Variants in CLTB observed in about 807,000 individuals in gnomAD.
CLTB encodes clathrin, light chain (Lcb).
A neutral mutation model predicts 30.5 loss-of-function variants in CLTB; 10 were observed. The ratio of observed to expected loss-of-function variants is 0.33; its 90% CI spans 0.20 to 0.56. The LOEUF (loss-of-function observed/expected upper bound fraction) is 0.56, where lower values mean the gene tolerates loss of function less well. CLTB is among the 20% of genes least tolerant of loss of function. The probability of loss-of-function intolerance (pLI) is 0.91; values close to 1 mark genes in which losing one functional copy is unlikely to be tolerated. For missense variants in CLTB, 261 were observed against 308.3 expected (o/e 0.85, Z 1.15); for synonymous variants, 102 against 120.3 (o/e 0.85, Z 1.00).
chr5:176,412,047 G>A (rs1757460885), intron 1 of CLTB, among the ~76,000 whole-genome samples: 1 of 151,960 alleles, frequency 6.6e-6, no homozygotes, highest in Non-Finnish European at 1.5e-5. Context: ...GTGGTGGCAG[G>A]CGCCTGTAGT....
At chr5:176,413,527 C>G (rs1055449519) in intron 1 of CLTB, among the ~76,000 whole-genome samples, 3 of 152,260 alleles carry the variant, frequency 2.0e-5, no homozygotes, top group Admixed American at 2.0e-4. Context: ...CCAGATACCT[C>G]TTTCCCCAGG....
intron 5 of CLTB, among the ~76,000 whole-genome samples, chr5:176,394,158 G>A (rs1361872669): frequency 3.9e-5 from 6 of 152,340 alleles, no homozygotes; most frequent in Admixed American, 6.5e-5. Context: ...AAAGTGCTGC[G>A]TGGAGCTGGG....
chr5:176,410,255 A>C lies in CLTB; in HGVS notation c.234+2T>G. ...CCACTGCTGAGACAGAGCCTTGCTTACCTGAAACACATCTCCATTGACTGT... is the reference window on the plus strand; with the variant it reads ...CCACTGCTGAGACAGAGCCTTGCTTCCCTGAAACACATCTCCATTGACTGT... On this transcript the variant is annotated splice_donor_variant, in intron 2 of 5. Transcript: ENST00000310418. LOFTEE classifies it high-confidence loss of function. The C allele has an allele frequency of 6.2e-7, 1 of 1,613,860 alleles. No individual in the cohort carries two copies. The highest frequency in any genetic ancestry group is 8.5e-7 in the Non-Finnish European group (1 of 1,179,816).
intron 2 of CLTB, among the ~76,000 whole-genome samples, chr5:176,402,854 C>G (rs1206325850): frequency 6.6e-6 from 1 of 152,000 alleles, no homozygotes; most frequent in Admixed American, 6.6e-5. Flanking sequence ...GGACAGAGTA[C>G]AGTAGGAGAG....
chr5:176,396,217 C>T (rs1756514734), intron 5 of CLTB, among the ~76,000 whole-genome samples: 1 of 151,992 alleles, frequency 6.6e-6, no homozygotes, highest in South Asian at 2.1e-4. Flanking sequence ...GCCATTTGCC[C>T]CTCCCACATG....
At chr5:176,399,982 A>C (rs1393203114) in intron 2 of CLTB, among the ~76,000 whole-genome samples, 1 of 152,140 alleles carries the variant, frequency 6.6e-6, no homozygotes, top group Non-Finnish European at 1.5e-5. Context: ...ACATGAGGTC[A>C]GGAGTTCGAG....
chr5:176,416,293 G>T lies in CLTB; in HGVS notation c.71C>A (p.Ala24Glu), dbSNP rs1222040757. Reference sequence around the variant, plus strand: ...CTCCTGCTGGGCCAGGAAGGCGGCCGCCGGGTCCTCCTCCGCCGCCTCCGG... The same window carrying T: ...CTCCTGCTGGGCCAGGAAGGCGGCCTCCGGGTCCTCCTCCGCCGCCTCCGG... ...GAPEAAEEDP[A>E]AAFLAQQESE... is the part of the protein sequence containing the mutation. Residue 24 changes from alanine (A) to glutamate (E), a missense_variant, in exon 1 of 6, where the codon GCG becomes GAG. Transcript: ENST00000310418. 1 of 1,605,690 alleles carries T rather than the reference G, an allele frequency of 6.2e-7. No individual in the cohort carries two copies. Among genetic ancestry groups the T allele is most frequent in the Non-Finnish European group, 8.5e-7 (1 of 1,177,350 alleles).
chr5:176,415,278 C>T (rs1390357176), intron 1 of CLTB, among the ~76,000 whole-genome samples: 5 of 152,202 alleles, frequency 3.3e-5, no homozygotes, highest in African/African-American at 7.2e-5. Flanking sequence ...AGGGCCCTAC[C>T]GCATCTGACT....
intron 2 of CLTB, among the ~76,000 whole-genome samples, chr5:176,405,286 C>T (rs1400914169): frequency 1.3e-5 from 2 of 151,820 alleles, no homozygotes; most frequent in Non-Finnish European, 2.9e-5. Context: ...CCCAGGAGCT[C>T]GAGACCAGCC....
intron 5 of CLTB, among the ~76,000 whole-genome samples, chr5:176,394,740 A>C (rs959295742): frequency 6.6e-6 from 1 of 152,082 alleles, no homozygotes; most frequent in Non-Finnish European, 1.5e-5. Context: ...GCTTGAGCCC[A>C]GGAGGCGGAG....
rs1452784389 is a variant in CLTB at position 176,397,738 on chromosome 5, T to G, written c.353-20A>C. The G allele has an allele frequency of 6.2e-7, 1 of 1,604,776 alleles. No individual in the cohort carries two copies. Among genetic ancestry groups the G allele is most frequent in the Non-Finnish European group, 8.5e-7 (1 of 1,171,616 alleles). On this transcript the variant is annotated intron_variant, in intron 3 of 5. Transcript: ENST00000310418. ...CAGCATCTAGGACCCCACAAGAGAATGAGTGGCTGCTTTCCAGCTGGGATG... is the reference window on the plus strand; with the variant it reads ...CAGCATCTAGGACCCCACAAGAGAAGGAGTGGCTGCTTTCCAGCTGGGATG...
chr5:176,416,351 AGTC>A lies in CLTB; in HGVS notation c.10_12del (p.Asp4del). 1 of 1,597,330 alleles carries A rather than the reference AGTC, an allele frequency of 6.3e-7. No homozygotes were observed. The highest frequency in any genetic ancestry group is 8.5e-7 in the Non-Finnish European group (1 of 1,174,160). On this transcript the variant is annotated inframe_deletion, in exon 1 of 6. Coordinates refer to ENST00000310418, the MANE Select transcript of CLTB (RefSeq NM_007097.5). ...CTCTCCGACGACGAGAAGAAGCCAAAGTCATCAGCCATTTTCCCCGCGCCTCCG... is the reference window on the plus strand; with the variant it reads ...CTCTCCGACGACGAGAAGAAGCCAAAATCAGCCATTTTCCCCGCGCCTCCG...
intron 2 of CLTB, among the ~76,000 whole-genome samples, chr5:176,406,899 G>A (rs891280567): frequency 3.9e-5 from 6 of 152,190 alleles, no homozygotes; most frequent in South Asian, 2.1e-4. Context: ...CAACAGAGTC[G>A]TAATGCAAAG....
chr5:176,401,237 C>A (rs187680527), intron 2 of CLTB, among the ~76,000 whole-genome samples: 133 of 152,384 alleles, frequency 8.7e-4, no homozygotes, highest in Middle Eastern at 3.4e-3. Flanking sequence ...CATCTGCAGA[C>A]AACTGCACTG....
intron 1 of CLTB, among the ~76,000 whole-genome samples, chr5:176,412,581 G>C (rs1257359749): frequency 6.6e-6 from 1 of 152,218 alleles, no homozygotes; most frequent in African/African-American, 2.4e-5. Context: ...TGGACAAATA[G>C]CCCTTCACCA....
At chr5:176,411,511 T>A (rs1035210223) in intron 1 of CLTB, among the ~76,000 whole-genome samples, 5 of 152,114 alleles carry the variant, frequency 3.3e-5, no homozygotes, top group African/African-American at 1.2e-4. Flanking sequence ...CACACCCCCA[T>A]CCACCCCTTG....
At chr5:176,409,172 C>T (rs1333389541) in intron 2 of CLTB, among the ~76,000 whole-genome samples, 1 of 151,872 alleles carries the variant, frequency 6.6e-6, no homozygotes, top group East Asian at 1.9e-4. Flanking sequence ...GGTGCGGTTT[C>T]ACCGTGTTAG....
rs1400451336 is a variant in CLTB, at chr5:176,393,247, C to A, written c.519-302G>T. 1.3e-5 allele frequency among the ~76,000 whole-genome samples: 2 copies of A among 152,158 alleles called. No individual in the cohort carries two copies. The highest frequency in any genetic ancestry group is 4.1e-4 in the South Asian group (2 of 4,828). Reference sequence around the variant, plus strand: ...TCACCTCCTCAGAAAGTCTTCCCAGCCTAGGCACCCTCTGTTCATTACTTC... The same window carrying A: ...TCACCTCCTCAGAAAGTCTTCCCAGACTAGGCACCCTCTGTTCATTACTTC... On this transcript the variant is annotated intron_variant, in intron 5 of 5. Transcript: ENST00000310418. The surrounding 1 kb of genome is among the most constrained non-coding windows in gnomAD (Gnocchi z 4.4).
Position 176,398,043 on chromosome 5 carries a change from G to A in CLTB, c.239C>T (p.Ala80Val), listed in dbSNP as rs370489885. 6.8e-6 allele frequency: 11 copies of A among 1,613,744 alleles called. No homozygotes were observed. The highest frequency in any genetic ancestry group is 9.3e-6 in the Non-Finnish European group (11 of 1,179,942). ...TGCGTAGCCATCAGCAGGACCGTTG[G>A]CCTCCTAGAACACAAACACGCAGCA... ...TTVNGDVFQE[A>V]NGPADGYAAI... Residue 80 changes from alanine (A) to valine (V), a missense_variant, in exon 3 of 6, where the codon GCC (alanine) becomes GTC (valine). This residue lies in a region of CLTB where 123 missense variants were observed against 157.0 expected (regional missense o/e 0.78). Transcript: ENST00000310418.
Sources: gnomAD v4.1 joint callset for allele counts (sites outside exome capture counted in the v4.1 genomes callset) on GRCh38, gnomAD v4.1.1 for gene constraint, gnomAD v4.1.1 regional missense constraint, Gnocchi (gnomAD v3.1) non-coding constraint, MANE v1.5 for transcripts, NCBI Gene and HGNC (gene_info 2026-07-23, HGNC 2026-07-21) for gene names.